The following UBE3D variants were observed in gnomAD, a reference collection of about 807,000 sequenced individuals.
The protein encoded by UBE3D is E3 ubiquitin-protein ligase E3D.
In UBE3D, 48 loss-of-function variants were observed where a neutral mutation model predicts 49.6. The ratio of observed to expected loss-of-function variants is 0.97; its 90% confidence interval spans 0.77 to 1.23. The LOEUF (loss-of-function observed/expected upper bound fraction) is 1.23. Ranked by LOEUF, UBE3D falls within the 50% of genes most tolerant of loss-of-function variation. The pLI is 0.00. For missense variants in UBE3D, 452 were observed against 468.4 expected (o/e 0.96, Z 0.32); for synonymous variants, 189 against 174.2 (o/e 1.08, Z -0.67).
intron 9 of UBE3D, among the ~76,000 whole-genome samples, chr6:82,945,594 C>G (rs1461238987): frequency 6.6e-6 from 1 of 152,098 alleles, no homozygotes; most frequent in South Asian, 2.1e-4. Context: ...AATATCCATG[C>G]CCAGATACTG....
intron 9 of UBE3D, among the ~76,000 whole-genome samples, chr6:82,895,299 A>C (rs1319364169): frequency 1.3e-5 from 2 of 152,208 alleles, no homozygotes; most frequent in Non-Finnish European, 2.9e-5. Context: ...TGACAGACGG[A>C]GAGTCTGTCT....
intron 2 of UBE3D, among the ~76,000 whole-genome samples, chr6:83,056,212 T>A (rs1783806417): frequency 6.6e-6 from 1 of 152,218 alleles, no homozygotes; most frequent in Admixed American, 6.5e-5. Flanking sequence ...AGAATATGGA[T>A]GGGCAAAAAC....
chr6:82,897,995 A>G (rs1001885341), intron 9 of UBE3D, among the ~76,000 whole-genome samples: 1 of 152,242 alleles, frequency 6.6e-6, no homozygotes, highest in Non-Finnish European at 1.5e-5. Context: ...GAAAACAAAC[A>G]ACCCCATCAA....
At chr6:82,975,058 C>G (rs966438688) in intron 8 of UBE3D, among the ~76,000 whole-genome samples, 1 of 152,002 alleles carries the variant, frequency 6.6e-6, no homozygotes, top group Non-Finnish European at 1.5e-5. Context: ...ATAATGATAT[C>G]TAAAATATAT....
At chr6:82,980,345 A>T (rs1293751618) in intron 8 of UBE3D, among the ~76,000 whole-genome samples, 3 of 151,940 alleles carry the variant, frequency 2.0e-5, no homozygotes, top group Non-Finnish European at 4.4e-5. Flanking sequence ...TAGTGATGTT[A>T]AGTATTTTCT....
At chr6:83,062,192 A>T (rs1303586357) in intron 1 of UBE3D, among the ~76,000 whole-genome samples, 3 of 152,182 alleles carry the variant, frequency 2.0e-5, no homozygotes, top group African/African-American at 7.2e-5. Context: ...CTGTATTCTC[A>T]GCACTTAGAA....
chr6:82,969,014 G>A (rs865845720), intron 8 of UBE3D, among the ~76,000 whole-genome samples: 3 of 151,958 alleles, frequency 2.0e-5, no homozygotes, highest in Admixed American at 1.3e-4. Flanking sequence ...TACAATTATC[G>A]CAATTGAAAT....
At chr6:83,051,612 C>T (rs1783473883) in intron 3 of UBE3D, among the ~76,000 whole-genome samples, 2 of 152,166 alleles carry the variant, frequency 1.3e-5, no homozygotes, top group Non-Finnish European at 2.9e-5. Context: ...GAGAATTCAA[C>T]CAACGCCTAA....
At chr6:83,010,914 G>A (rs1294756733) in intron 8 of UBE3D, among the ~76,000 whole-genome samples, 10 of 151,782 alleles carry the variant, frequency 6.6e-5, no homozygotes, top group African/African-American at 1.5e-4. Flanking sequence ...CACCCTCATC[G>A]ACACACCCAG....
intron 9 of UBE3D, among the ~76,000 whole-genome samples, chr6:82,924,067 T>C (rs1773562259): frequency 1.3e-5 from 2 of 150,918 alleles, no homozygotes; most frequent in African/African-American, 4.9e-5. Flanking sequence ...AGCAGAAGCA[T>C]GCATATGCAC....
At chr6:82,995,534 G>C (rs1779184376) in intron 8 of UBE3D, among the ~76,000 whole-genome samples, 1 of 118,700 alleles carries the variant, frequency 8.4e-6, no homozygotes, top group Admixed American at 8.5e-5. Context: ...ACTTAAGTAA[G>C]CAAAGGAACA....
chr6:82,887,274 GTGCTAC>G, the UBE3D span, among the ~76,000 whole-genome samples: 5 of 145,048 alleles, frequency 3.4e-5, no homozygotes, highest in African/African-American at 1.3e-4. Flanking sequence ...AGCTGAGATT[GTGCTAC>G]TGCTACTGCA....
chr6:83,054,480 G>C (rs1049479323), intron 2 of UBE3D, among the ~76,000 whole-genome samples: 8 of 152,066 alleles, frequency 5.3e-5, no homozygotes, highest in Non-Finnish European at 1.0e-4. Flanking sequence ...TACGCATGTA[G>C]CATTTGTTAG....
Position 83,063,990 on chromosome 6 carries a change from C to T in UBE3D, c.77+1652G>A, listed in dbSNP as rs1181729168. 2.6e-5 allele frequency among the ~76,000 whole-genome samples: 4 copies of T among 152,210 alleles called. No homozygotes were observed. In the East Asian group the frequency reaches 5.8e-4, roughly 22 times the overall value. The stretch of plus-strand genomic sequence containing the variant: ...AAACTCCAGAAACAAGAAAAACATC[C>T]AGCAATAGGAGAACAGATAAATGAA... On this transcript the variant is annotated intron_variant, in intron 1 of 9. Transcript: ENST00000369747.
At chr6:83,051,135 A>G (rs960828033) in intron 3 of UBE3D, among the ~76,000 whole-genome samples, 1 of 152,232 alleles carries the variant, frequency 6.6e-6, no homozygotes, top group Non-Finnish European at 1.5e-5. Flanking sequence ...TAACTATTAC[A>G]TATGTTACAT....
At chr6:82,944,955 T>G (rs537997896) in intron 9 of UBE3D, among the ~76,000 whole-genome samples, 3 of 152,206 alleles carry the variant, frequency 2.0e-5, no homozygotes, top group Non-Finnish European at 4.4e-5. Context: ...TAGAATAGAA[T>G]GCCAAGTAGA....
chr6:82,906,157 C>T (rs1292866953), intron 9 of UBE3D, among the ~76,000 whole-genome samples: 2 of 151,968 alleles, frequency 1.3e-5, no homozygotes, highest in East Asian at 1.9e-4. Context: ...TAACAGTTGG[C>T]GTTTGTTCAA....
intron 2 of UBE3D, among the ~76,000 whole-genome samples, chr6:83,057,345 G>A (rs889481187): frequency 1.3e-5 from 2 of 150,622 alleles, no homozygotes; most frequent in Non-Finnish European, 2.9e-5. Flanking sequence ...CCACCAATTA[G>A]AATGTAAGCT....
intron 9 of UBE3D, among the ~76,000 whole-genome samples, chr6:82,949,120 C>T (rs1328640527): frequency 2.0e-4 from 31 of 151,950 alleles, no homozygotes; most frequent in Admixed American, 2.0e-3. Flanking sequence ...TTAGAAAAAC[C>T]TAAAGACTTC....
Sources: allele counts gnomAD v4.1 joint callset (sites outside exome capture counted in the v4.1 genomes callset), GRCh38; gene constraint gnomAD v4.1.1; transcripts MANE v1.5; gene names NCBI Gene and HGNC (gene_info 2026-07-23, HGNC 2026-07-21).